SEC61B: variants seen among roughly 807,000 people sequenced by gnomAD.
SEC61B encodes the protein protein transport protein Sec61 subunit beta.
In SEC61B, 7 loss-of-function variants were observed where a neutral mutation model predicts 12.6. That is an observed-to-expected ratio of 0.55 (90% CI 0.32 to 1.04). The LOEUF (loss-of-function observed/expected upper bound fraction) is 1.04, where lower values mean the gene tolerates loss of function less well. Among genes scored for constraint, SEC61B ranks in the 50% least tolerant of loss-of-function variants. SEC61B has a pLI of 0.05. For synonymous variants in SEC61B, 54 were observed against 50.1 expected (o/e 1.08, Z -0.33); for missense variants, 107 against 130.1 (o/e 0.82, Z 0.86).
rs1356398575 is a variant in SEC61B, at chr9:99,222,311, C to T, written c.-53C>T. ...TCGCCAGCTGCCGGTCTTTCGGGGG[C>T]TCCGTAACTTTCTATCCGTCCGCGT... is the stretch of plus-strand genomic sequence containing the variant. On this transcript the variant is annotated 5_prime_UTR_variant, in exon 1 of 4. Transcript: ENST00000223641. 38 of 1,613,846 alleles carry T rather than the reference C, an allele frequency of 2.4e-5. No individual in the cohort carries two copies. The highest frequency in any genetic ancestry group is 3.1e-5 in the Non-Finnish European group (37 of 1,179,916).
At chr9:99,223,997 C>T (rs965830519) in intron 2 of SEC61B, among the ~76,000 whole-genome samples, 4 of 152,124 alleles carry the variant, frequency 2.6e-5, no homozygotes, top group African/African-American at 9.7e-5. Context: ...AGGTACCCAC[C>T]ATAAGGCATG....
chr9:99,222,464 G>T (rs1346603498), intron 1 of SEC61B, 82 bp from the exon 2 acceptor site: 2 of 1,604,182 alleles, frequency 1.2e-6, no homozygotes, highest in Non-Finnish European at 1.7e-6. Flanking sequence ...GCTTCCCCCA[G>T]CCTCGGGTGT....
intron 2 of SEC61B, among the ~76,000 whole-genome samples, chr9:99,224,944 G>C (rs1279473141): frequency 6.6e-6 from 1 of 152,164 alleles, no homozygotes; most frequent in Non-Finnish European, 1.5e-5. Context: ...TTAAATTTAA[G>C]CTCAGGCCAG....
At chr9:99,223,722 A>G (rs1040226089) in intron 2 of SEC61B, among the ~76,000 whole-genome samples, 5 of 152,148 alleles carry the variant, frequency 3.3e-5, no homozygotes, top group African/African-American at 1.2e-4. Flanking sequence ...CTGTCCTATG[A>G]TCCAGCACTC....
At chr9:99,224,741 T>G (rs1447231257) in intron 2 of SEC61B, among the ~76,000 whole-genome samples, 1 of 152,210 alleles carries the variant, frequency 6.6e-6, no homozygotes, top group Non-Finnish European at 1.5e-5. Context: ...CCTTCTAGAA[T>G]GGTAGTGATT....
intron 3 of SEC61B, among the ~76,000 whole-genome samples, chr9:99,228,588 C>T (rs1222272738): frequency 1.3e-5 from 2 of 152,188 alleles, no homozygotes; most frequent in Non-Finnish European, 2.9e-5. Context: ...TGTCCCCATG[C>T]CTTGCTCAGG....
chr9:99,230,471 A>G lies in SEC61B; in HGVS notation c.*47A>G, dbSNP rs772411422. The G allele has an allele frequency of 3.0e-6, 4 of 1,315,298 alleles. No homozygotes were observed. In the South Asian group the frequency reaches 3.6e-5, roughly 12 times the overall value. The allele number at this position is 1,315,298 out of a possible 1,614,324, so 81.5% of individuals were successfully genotyped here. ...ATCTGAAGAAGGAGGAAAAAACCCA[A>G]CATTTCTTGGACCAAAAGTATAGTG... On this transcript the variant is annotated 3_prime_UTR_variant, in exon 4 of 4. Transcript: ENST00000223641.
At chr9:99,223,229 C>T (rs898935525) in intron 2 of SEC61B, 1 of 152,054 alleles carries the variant, frequency 6.6e-6, no homozygotes, top group Non-Finnish European at 1.5e-5. Flanking sequence ...TGCTACTTAA[C>T]CCTTTTCTTC....
chr9:99,224,502 GA>G (rs1176784243), intron 2 of SEC61B, among the ~76,000 whole-genome samples: 1 of 152,074 alleles, frequency 6.6e-6, no homozygotes, highest in African/African-American at 2.4e-5. Flanking sequence ...AGAAATAAAA[GA>G]AAAAGCACAT....
At chr9:99,227,281 A>C (rs942290035) in intron 2 of SEC61B, among the ~76,000 whole-genome samples, 7 of 151,330 alleles carry the variant, frequency 4.6e-5, no homozygotes, top group African/African-American at 4.8e-5. Flanking sequence ...AAAAAAAAAA[A>C]AAAAAAAAAA....
rs759102342 is a variant in SEC61B, at chr9:99,227,934, G to T, written c.137G>T (p.Arg46Leu). ...NASCGTRSAG[R>L]TTSAGTGGMW... ...AGCTGTGGGACAAGGAGTGCAGGCCGCACAACCTCGGCAGGCACCGGGGGG... is the reference window on the plus strand; with the variant it reads ...AGCTGTGGGACAAGGAGTGCAGGCCTCACAACCTCGGCAGGCACCGGGGGG... Residue 46 changes from arginine to leucine, a missense_variant, in exon 3 of 4, where the codon CGC (arginine) becomes CTC (leucine). By Grantham distance (102) the Arg-to-Leu change is moderately radical (BLOSUM62 -2). Transcript: ENST00000223641. 1 of 1,614,042 alleles carries T rather than the reference G, an allele frequency of 6.2e-7. No individual in the cohort carries two copies. The highest frequency in any genetic ancestry group is 8.5e-7 in the Non-Finnish European group (1 of 1,179,964).
chr9:99,228,009 T>C lies in SEC61B; in HGVS notation c.203+9T>C. ...TCACCTGGGCTCAAAGTGTAAGTCT[T>C]AGGAACAGTCCTTGTGTTTCTGTCC... is the stretch of plus-strand genomic sequence containing the variant. On this transcript the variant is annotated intron_variant, in intron 3 of 3. Transcript: ENST00000223641. The C allele has an allele frequency of 6.2e-7, 1 of 1,604,524 alleles. No individual in the cohort carries two copies. Among genetic ancestry groups the C allele is most frequent in the South Asian group, 1.1e-5 (1 of 90,650 alleles).
chr9:99,226,055 G>A (rs1327443206), intron 2 of SEC61B, among the ~76,000 whole-genome samples: 4 of 152,192 alleles, frequency 2.6e-5, no homozygotes, highest in Non-Finnish European at 4.4e-5. Flanking sequence ...GTAAATCCCT[G>A]TACAGTTATG....
rs372642058 is a variant in SEC61B, at chr9:99,222,596, C to T, written c.54C>T (p.Pro18=). The T allele has an allele frequency of 5.7e-5, 88 of 1,557,508 alleles. No homozygotes were observed. Among genetic ancestry groups the T allele is most frequent in the Non-Finnish European group, 7.0e-6 (8 of 1,150,768 alleles). The change falls in exon 2 of 4, where the codon CCC becomes CCT. Residue 18 remains proline, a synonymous_variant. Transcript: ENST00000223641. The part of the protein sequence containing the change: ...GTNVGSSGRS[P]SKAVAARAAG... The stretch of plus-strand genomic sequence containing the variant: ...ACGTGGGATCCTCAGGGCGCTCTCC[C>T]AGCAAAGCAGTGGCCGCCCGGGCGG...
intron 2 of SEC61B, among the ~76,000 whole-genome samples, chr9:99,225,136 C>A (rs1321646165): frequency 1.3e-5 from 2 of 152,220 alleles, no homozygotes; most frequent in African/African-American, 4.8e-5. Flanking sequence ...TTGAGGTCTA[C>A]TACATGCCAA....
intron 1 of SEC61B, 75 bp from the exon 2 acceptor site, chr9:99,222,471 G>A (rs1828838959): frequency 6.2e-7 from 1 of 1,601,598 alleles, no homozygotes; most frequent in African/African-American, 1.3e-5. Flanking sequence ...CCAGCCTCGG[G>A]TGTGGGTGTC....
chr9:99,227,832 C>T, intron 2 of SEC61B, 67 bp from the exon 3 acceptor site: 1 of 1,086,294 alleles, frequency 9.2e-7, no homozygotes, highest in South Asian at 1.3e-5. Context: ...ATAATGGTAG[C>T]ATATGTTATA....
chr9:99,225,470 C>T (rs1004629340), intron 2 of SEC61B, among the ~76,000 whole-genome samples: 3 of 152,082 alleles, frequency 2.0e-5, no homozygotes, highest in Non-Finnish European at 4.4e-5. Flanking sequence ...TATGAAGATT[C>T]TGAGGTCGAT....
In SEC61B at chr9:99,230,613, A is replaced by T; in HGVS notation, c.*189A>T. Reference sequence around the variant, plus strand: ...GGCTAATAAACTTTTTAATTCACTTATACTGAGTCTGATCGTTGATGCCTC... The same window carrying T: ...GGCTAATAAACTTTTTAATTCACTTTTACTGAGTCTGATCGTTGATGCCTC... On this transcript the variant is annotated 3_prime_UTR_variant, in exon 4 of 4. Transcript: ENST00000223641. 2.0e-6 allele frequency: 1 copy of T among 501,046 alleles called. No homozygotes were observed. The highest frequency in any genetic ancestry group is 3.5e-6 in the Non-Finnish European group (1 of 285,366). 31.0% of individuals were successfully genotyped at this position (501,046 alleles called of 1,614,324 possible).
Sources: gnomAD v4.1 joint callset for allele counts (sites outside exome capture counted in the v4.1 genomes callset) on GRCh38, gnomAD v4.1.1 for gene constraint, MANE v1.5 for transcripts, NCBI Gene and HGNC (gene_info 2026-07-23, HGNC 2026-07-21) for gene names.